MSANTD3: variants seen among roughly 807,000 people sequenced by gnomAD.
The protein encoded by MSANTD3 is Myb/SANT DNA binding domain containing 3.
MSANTD3 carries 11 observed loss-of-function variants against 27.7 expected under a neutral mutation model. That is an observed-to-expected ratio of 0.40 (90% CI 0.25 to 0.66). MSANTD3 has a LOEUF of 0.66. Among genes scored for constraint, MSANTD3 ranks in the 30% least tolerant of loss-of-function variants. The pLI is 0.41. For synonymous variants in MSANTD3, 131 were observed against 127.2 expected, an observed-to-expected ratio of 1.03 and a Z score of -0.20; for missense variants, 250 against 336.5, an observed-to-expected ratio of 0.74 and a Z score of 2.01.
intron 2 of MSANTD3, chr9:100,445,063 G>A: frequency 1.5e-6 from 1 of 674,964 alleles, no homozygotes; most frequent in South Asian, 1.9e-5. Flanking sequence ...TTGTCATTTG[G>A]GAAGTGTGTC....
In MSANTD3 at chr9:100,442,140, A is replaced by C. The variant is rs1169077829; in HGVS notation, c.202A>C (p.Lys68Gln). 6.2e-7 allele frequency: 1 copy of C among 1,614,198 alleles called. No individual in the cohort carries two copies. Among genetic ancestry groups the C allele is most frequent in the East Asian group, 2.2e-5 (1 of 44,888 alleles). ...SQPSVSLRDF[K>Q]QLKKCWENIK... is the part of the protein sequence containing the mutation. ...GCCCAGCGTGTCCCTGCGGGATTTC[A>C]AACAGCTGAAGAAGTGCTGGGAGAA... is the stretch of plus-strand genomic sequence containing the variant. Residue 68 changes from lysine (K) to glutamine (Q), a missense_variant, in exon 2 of 3, where the codon AAA becomes CAA. By Grantham distance (53) the Lys-to-Gln change is moderately conservative. This residue lies in a region of MSANTD3 where 235 missense variants were observed against 299.3 expected (regional missense o/e 0.79). Transcript: ENST00000395067.
At chr9:100,448,852 T>TA in intron 2 of MSANTD3, 1 of 985,196 alleles carries the variant, frequency 1.0e-6, no homozygotes, top group Non-Finnish European at 1.2e-6. Flanking sequence ...TCTTTTTTTT[T>TA]AAACTTCTCT....
At position 100,442,103 on chromosome 9, in the gene MSANTD3, A is replaced by T. The variant is rs1273978410; in HGVS notation, c.165A>T (p.Glu55Asp). The T allele has an allele frequency of 6.2e-7, 1 of 1,614,196 alleles. No homozygotes were observed. Among genetic ancestry groups the T allele is most frequent in the East Asian group, 2.2e-5 (1 of 44,886 alleles). Reference sequence around the variant, plus strand: ...GTACCTGGCAGGCGCTGGCCCACGAATACAACTCTCAGCCCAGCGTGTCCC... The same window carrying T: ...GTACCTGGCAGGCGCTGGCCCACGATTACAACTCTCAGCCCAGCGTGTCCC... ...KQRTWQALAH[E>D]YNSQPSVSLR... Residue 55 changes from glutamate to aspartate, a missense_variant, in exon 2 of 3, where the codon GAA becomes GAT. By Grantham distance (45) the Glu-to-Asp change is conservative. Transcript: ENST00000395067.
intron 1 of MSANTD3, among the ~76,000 whole-genome samples, chr9:100,441,469 A>C (rs1005007317): frequency 2.6e-5 from 4 of 151,792 alleles, no homozygotes; most frequent in Non-Finnish European, 5.9e-5. Context: ...CCCTGTCTCT[A>C]CCAAAACTAC....
intron 1 of MSANTD3, among the ~76,000 whole-genome samples, chr9:100,439,692 T>G (rs1836557990): frequency 6.6e-6 from 1 of 150,818 alleles, no homozygotes; most frequent in Non-Finnish European, 1.5e-5. Flanking sequence ...TTTTTTTTTT[T>G]GTAATTTTAG....
Position 100,442,066 on chromosome 9 carries a change from C to T in MSANTD3, c.128C>T (p.Ala43Val), listed in dbSNP as rs1170582488. ...AAGAAAAGTGATGCGCGAACTATTG[C>T]CCTTAAGCAGCGTACCTGGCAGGCG... ...ECKKSDARTI[A>V]LKQRTWQALA... is the part of the protein sequence containing the mutation. Residue 43 changes from alanine to valine, a missense_variant, in exon 2 of 3, where the codon GCC (alanine) becomes GTC (valine). Transcript: ENST00000395067. 6.2e-7 allele frequency: 1 copy of T among 1,614,218 alleles called. No individual in the cohort carries two copies. The highest frequency in any genetic ancestry group is 8.5e-7 in the Non-Finnish European group (1 of 1,180,038).
At position 100,442,135 on chromosome 9, in the gene MSANTD3, A is replaced by G. The variant is rs766999731; in HGVS notation, c.197A>G (p.Asp66Gly). ...YNSQPSVSLR[D>G]FKQLKKCWEN... ...TCTCAGCCCAGCGTGTCCCTGCGGG[A>G]TTTCAAACAGCTGAAGAAGTGCTGG... The change falls in exon 2 of 3, where the codon GAT becomes GGT. Residue 66 changes from aspartate to glycine, a missense_variant. Coordinates refer to ENST00000395067, the MANE Select transcript of MSANTD3 (RefSeq NM_080655.3). 21 of 1,614,032 alleles carry G rather than the reference A, an allele frequency of 1.3e-5. No homozygotes were observed. The Admixed American group carries it at 2.0e-4, about 15-fold the overall frequency.
At position 100,451,188 on chromosome 9, in the gene MSANTD3, A is replaced by C; in HGVS notation, c.*222A>C. The C allele has an allele frequency of 2.2e-6, 1 of 457,446 alleles. No homozygotes were observed. Among genetic ancestry groups the C allele is most frequent in the Non-Finnish European group, 3.8e-6 (1 of 261,916 alleles). The allele number at this position is 457,446 out of a possible 1,614,324, so 28.3% of individuals were successfully genotyped here. ...TCTGAAAATTATCACTATGAGTGCT[A>C]TAATTCTGAATATAATGTCTCTTAA... On this transcript the variant is annotated 3_prime_UTR_variant, in exon 3 of 3. Coordinates refer to ENST00000395067, the MANE Select transcript of MSANTD3 (RefSeq NM_080655.3).
At chr9:100,449,565 C>T (rs1216181135) in intron 2 of MSANTD3, among the ~76,000 whole-genome samples, 2 of 151,956 alleles carry the variant, frequency 1.3e-5, no homozygotes, top group Non-Finnish European at 2.9e-5. Context: ...GACAGATAGC[C>T]TAACTTTAAG....
chr9:100,428,059 A>G (rs1398444718), intron 1 of MSANTD3, among the ~76,000 whole-genome samples: 1 of 152,190 alleles, frequency 6.6e-6, no homozygotes, highest in Non-Finnish European at 1.5e-5. Context: ...TAGGTACTAA[A>G]CAGTTGGCAT....
rs140519703 is a variant in MSANTD3, at chr9:100,434,997, A to G, written c.-33-6909A>G. 9.9e-5 allele frequency among the ~76,000 whole-genome samples: 15 copies of G among 152,230 alleles called. 1 individual carries two copies. The highest frequency in any genetic ancestry group is 3.6e-4 in the African/African-American group (15 of 41,502). On this transcript the variant is annotated intron_variant, in intron 1 of 2. Transcript: ENST00000395067. Reference sequence around the variant, plus strand: ...CACACACACACACACACACGTGCGCACACACACAGTATTATTCTACTTTTG... The same window carrying G: ...CACACACACACACACACACGTGCGCGCACACACAGTATTATTCTACTTTTG...
In MSANTD3 at chr9:100,435,709, A is replaced by G. The variant is rs75121151; in HGVS notation, c.-33-6197A>G. Reference sequence around the variant, plus strand: ...TTACATGACCTCCTCTTTGTAAGCCATTGAGGGTAGCAGGGCACGCCAGCT... The same window carrying G: ...TTACATGACCTCCTCTTTGTAAGCCGTTGAGGGTAGCAGGGCACGCCAGCT... On this transcript the variant is annotated intron_variant, in intron 1 of 2. Coordinates refer to ENST00000395067, the MANE Select transcript of MSANTD3 (RefSeq NM_080655.3). Among the ~76,000 whole-genome samples the G allele has an allele frequency of 6.7e-3, 1,024 of 152,202 alleles. 7 individuals carry two copies. The highest frequency in any genetic ancestry group is 0.024 in the African/African-American group (991 of 41,534).
intron 2 of MSANTD3, among the ~76,000 whole-genome samples, chr9:100,446,114 G>GA (rs1219617175): frequency 3.3e-5 from 5 of 152,158 alleles, no homozygotes. Context: ...ATACATTTAA[G>GA]AAAACTAAGC....
chr9:100,449,305 C>T, intron 2 of MSANTD3: 1 of 948,610 alleles, frequency 1.1e-6, no homozygotes, highest in Non-Finnish European at 1.3e-6. Flanking sequence ...ATACTCTTCC[C>T]TTTATATTCA....
rs187793886 is a variant in MSANTD3, at chr9:100,443,581, T to C, written c.418+1225T>C. Among the ~76,000 whole-genome samples the C allele has an allele frequency of 2.0e-3, 297 of 152,262 alleles. 1 individual carries two copies. Among genetic ancestry groups the C allele is most frequent in the South Asian group, 5.6e-3 (27 of 4,826 alleles). ...GAAAAGCTCCAAAAGAAATTAACTT[T>C]AAGTTTAATATACTTCCATTAAAAA... is the stretch of plus-strand genomic sequence containing the variant. On this transcript the variant is annotated intron_variant, in intron 2 of 2. Coordinates refer to ENST00000395067, the MANE Select transcript of MSANTD3 (RefSeq NM_080655.3).
At chr9:100,436,073 T>A (rs1836471547) in intron 1 of MSANTD3, among the ~76,000 whole-genome samples, 1 of 152,242 alleles carries the variant, frequency 6.6e-6, no homozygotes, top group Non-Finnish European at 1.5e-5. Context: ...GGTCTTTGCC[T>A]AGCCCAAGGG....
intron 1 of MSANTD3, among the ~76,000 whole-genome samples, chr9:100,440,788 T>C (rs1196015270): frequency 7.2e-6 from 1 of 138,072 alleles, no homozygotes; most frequent in Non-Finnish European, 1.6e-5. Context: ...CCCTTTTTTT[T>C]TTTTTTTTTT....
At position 100,440,896 on chromosome 9, in the gene MSANTD3, A is replaced by T. The variant is rs138968897; in HGVS notation, c.-33-1010A>T. On this transcript the variant is annotated intron_variant, in intron 1 of 2. Coordinates refer to ENST00000395067, the MANE Select transcript of MSANTD3 (RefSeq NM_080655.3). Reference sequence around the variant, plus strand: ...TACCTCAGCCTCCCAAAGTGCTGGGATTACAGGTGTGAGCCACTGTGCCCG... The same window carrying T: ...TACCTCAGCCTCCCAAAGTGCTGGGTTTACAGGTGTGAGCCACTGTGCCCG... 6.1e-3 allele frequency among the ~76,000 whole-genome samples: 715 copies of T among 117,714 alleles called. 4 individuals carry two copies. The highest frequency in any genetic ancestry group is 0.022 in the African/African-American group (669 of 30,496). The allele number at this position is 117,714 out of a possible 152,430, so 77.2% of individuals were successfully genotyped here.
rs138346155 is a variant in MSANTD3, at chr9:100,432,357, A to G, written c.-34+4964A>G. 8.9e-4 allele frequency among the ~76,000 whole-genome samples: 136 copies of G among 152,288 alleles called. 2 individuals are homozygous for G. Among genetic ancestry groups the G allele is most frequent in the Admixed American group, 6.2e-3 (95 of 15,304 alleles). On this transcript the variant is annotated intron_variant, in intron 1 of 2. Coordinates refer to ENST00000395067, the MANE Select transcript of MSANTD3 (RefSeq NM_080655.3). ...TGCAGGCAGGTAAGAGTACTGTCCA[A>G]TTACTCTCACCTCTGGATAAAATGA...
Sources: gnomAD v4.1 joint callset for allele counts (sites outside exome capture counted in the v4.1 genomes callset) on GRCh38, gnomAD v4.1.1 for gene constraint, gnomAD v4.1.1 regional missense constraint, MANE v1.5 for transcripts, NCBI Gene and HGNC (gene_info 2026-07-23, HGNC 2026-07-21) for gene names.